Variants in CDH12 observed in about 807,000 individuals in gnomAD.
CDH12 encodes cadherin-12.
Under a neutral mutation model 74.1 loss-of-function variants are expected in CDH12, and 41 were observed. The observed-to-expected ratio is 0.55, with a 90% confidence interval of 0.43 to 0.72. The LOEUF (loss-of-function observed/expected upper bound fraction) is 0.72, where lower values mean the gene tolerates loss of function less well. Ranked by LOEUF, CDH12 falls within the 30% of genes least tolerant of loss-of-function variation. The pLI is 0.00. For missense variants in CDH12, 945 were observed against 977.2 expected, an observed-to-expected ratio of 0.97 and a Z score of 0.44; for synonymous variants, 399 against 355.0, an observed-to-expected ratio of 1.12 and a Z score of -1.39.
intron 4 of CDH12, among the ~76,000 whole-genome samples, chr5:22,197,216 G>A (rs938356619): frequency 6.6e-6 from 1 of 152,130 alleles, no homozygotes; most frequent in African/African-American, 2.4e-5. Context: ...AGGCCAAAGG[G>A]GGAGGATCAT....
At chr5:22,127,685 T>C (rs1463161211) in intron 4 of CDH12, among the ~76,000 whole-genome samples, 1 of 152,176 alleles carries the variant, frequency 6.6e-6, no homozygotes, top group Non-Finnish European at 1.5e-5. Context: ...AATTATTTCT[T>C]GTCCTTTCAG....
At chr5:21,982,368 A>T (rs1364086371) in intron 5 of CDH12, among the ~76,000 whole-genome samples, 1 of 151,934 alleles carries the variant, frequency 6.6e-6, no homozygotes, top group East Asian at 1.9e-4. Flanking sequence ...CAGTTTGCCA[A>T]CTGCATACCT....
At position 22,606,123 on chromosome 5, in the gene CDH12, C is replaced by T. The variant is rs72746638; in HGVS notation, c.-522-100759G>A. On this transcript the variant is annotated intron_variant, in intron 1 of 14. Coordinates refer to ENST00000382254, the MANE Select transcript of CDH12 (RefSeq NM_004061.5). The stretch of plus-strand genomic sequence containing the variant: ...CCCACCACTGGCCCCAAGCCATCAG[C>T]AGTCAGGCAAGCAGCTTGTTGTTCC... Among the ~76,000 whole-genome samples, 1,364 of 152,326 alleles carry T rather than the reference C, an allele frequency of 9.0e-3. 24 individuals carry two copies. Among genetic ancestry groups the T allele is most frequent in the East Asian group, 0.063 (327 of 5,170 alleles).
At chr5:21,903,041 T>G (rs1160367914) in intron 6 of CDH12, among the ~76,000 whole-genome samples, 2 of 152,138 alleles carry the variant, frequency 1.3e-5, no homozygotes, top group Non-Finnish European at 2.9e-5. Context: ...CCAAGGCTGC[T>G]ACTTAGAGTT....
intron 6 of CDH12, among the ~76,000 whole-genome samples, chr5:21,855,157 G>A (rs1750690109): frequency 6.6e-6 from 1 of 151,732 alleles, no homozygotes; most frequent in Non-Finnish European, 1.5e-5. Flanking sequence ...TATCAATAGA[G>A]AGGCTAAAAG....
chr5:21,875,387 A>C (rs1039577505), intron 6 of CDH12, among the ~76,000 whole-genome samples: 7 of 152,208 alleles, frequency 4.6e-5, no homozygotes, highest in African/African-American at 1.7e-4. Flanking sequence ...AATAACTGGC[A>C]CTTAGTGAGC....
intron 6 of CDH12, among the ~76,000 whole-genome samples, chr5:21,868,211 T>G (rs919829823): frequency 6.8e-6 from 1 of 147,174 alleles, no homozygotes; most frequent in African/African-American, 2.7e-5. Context: ...CCACCATGAT[T>G]GTGAGGCCTC....
chr5:22,471,724 C>A (rs1745967401), intron 2 of CDH12, among the ~76,000 whole-genome samples: 1 of 152,162 alleles, frequency 6.6e-6, no homozygotes, highest in African/African-American at 2.4e-5. Flanking sequence ...CAGTCTTTGC[C>A]TTGCTCTAAC....
intron 1 of CDH12, among the ~76,000 whole-genome samples, chr5:22,724,816 A>G (rs1190721468): frequency 6.6e-6 from 1 of 151,876 alleles, no homozygotes; most frequent in African/African-American, 2.4e-5. Flanking sequence ...TGCTATCATC[A>G]TTATGGCTGT....
At chr5:22,189,518 G>A (rs530776286) in intron 4 of CDH12, among the ~76,000 whole-genome samples, 3 of 151,766 alleles carry the variant, frequency 2.0e-5, no homozygotes, top group African/African-American at 7.2e-5. Flanking sequence ...GTAACAATCA[G>A]GAGATCTATT....
chr5:21,874,793 T>C (rs1262613966), intron 6 of CDH12, among the ~76,000 whole-genome samples: 1 of 152,140 alleles, frequency 6.6e-6, no homozygotes, highest in Non-Finnish European at 1.5e-5. Context: ...CGGTGCCCAT[T>C]GCTGCTCCCA....
chr5:22,519,109 A>C (rs1736935770), intron 1 of CDH12, among the ~76,000 whole-genome samples: 1 of 152,130 alleles, frequency 6.6e-6, no homozygotes, highest in Admixed American at 6.5e-5. Flanking sequence ...CTCATGTCAG[A>C]CCAGATTGGG....
intron 4 of CDH12, among the ~76,000 whole-genome samples, chr5:22,093,963 T>C (rs1743590105): frequency 6.6e-6 from 1 of 152,172 alleles, no homozygotes; most frequent in Non-Finnish European, 1.5e-5. Context: ...TACTAACTTA[T>C]GGCTCATATT....
At chr5:22,452,538 A>G (rs899189368) in intron 2 of CDH12, among the ~76,000 whole-genome samples, 4 of 151,974 alleles carry the variant, frequency 2.6e-5, no homozygotes, top group African/African-American at 7.2e-5. Context: ...ATGAAACTAG[A>G]TCTCTGTTTC....
At chr5:22,832,319 A>G (rs188119851) in intron 1 of CDH12, among the ~76,000 whole-genome samples, 86 of 152,330 alleles carry the variant, frequency 5.6e-4, no homozygotes, top group African/African-American at 1.9e-3. Flanking sequence ...TAAACATATT[A>G]AAACGTTAGC....
chr5:22,690,716 A>T (rs1742038611), intron 1 of CDH12, among the ~76,000 whole-genome samples: 1 of 152,182 alleles, frequency 6.6e-6, no homozygotes, highest in Non-Finnish European at 1.5e-5. Context: ...CAAATCACTT[A>T]GTCCCTCTGT....
chr5:22,128,220 C>A (rs1226677664), intron 4 of CDH12, among the ~76,000 whole-genome samples: 3 of 151,872 alleles, frequency 2.0e-5, no homozygotes, highest in African/African-American at 7.3e-5. Context: ...TTGCCCATTG[C>A]CAATTAGAAG....
chr5:22,260,118 T>C (rs1753456469), intron 3 of CDH12, among the ~76,000 whole-genome samples: 1 of 152,076 alleles, frequency 6.6e-6, no homozygotes, highest in Non-Finnish European at 1.5e-5. Context: ...AGGTCTTACT[T>C]TTCCTTTCTA....
chr5:22,128,156 T>C lies in CDH12; in HGVS notation c.-186-49294A>G, dbSNP rs1275632674. Among the ~76,000 whole-genome samples the C allele has an allele frequency of 3.3e-5, 5 of 152,164 alleles. No homozygotes were observed. In the East Asian group the frequency reaches 7.7e-4, roughly 23 times the overall value. ...TAATGGGATTCACTCTTGAGTTGGA[T>C]TGATGGTCAAGGTTAGAGCCACAGA... is the stretch of plus-strand genomic sequence containing the variant. On this transcript the variant is annotated intron_variant, in intron 4 of 14. Coordinates refer to ENST00000382254, the MANE Select transcript of CDH12 (RefSeq NM_004061.5).
Sources: allele counts gnomAD v4.1 joint callset (sites outside exome capture counted in the v4.1 genomes callset), GRCh38; gene constraint gnomAD v4.1.1; transcripts MANE v1.5; gene names NCBI Gene and HGNC (gene_info 2026-07-23, HGNC 2026-07-21).